The following MAML3 variants were observed in gnomAD, a reference collection of about 807,000 sequenced individuals.
MAML3 encodes mastermind like transcriptional coactivator 3.
In MAML3, 27 loss-of-function variants were observed where a neutral mutation model predicts 101.9. That is an observed-to-expected ratio of 0.27 (90% CI 0.20 to 0.37). The LOEUF (loss-of-function observed/expected upper bound fraction) is 0.37. Among genes scored for constraint, MAML3 ranks in the 10% least tolerant of loss-of-function variants. The pLI is 1.00. For synonymous variants in MAML3, 501 were observed against 555.9 expected (o/e 0.90, Z 1.39); for missense variants, 1,316 against 1,444.9 (o/e 0.91, Z 1.45).
At chr4:139,810,266 C>T (rs988904909) in intron 2 of MAML3, among the ~76,000 whole-genome samples, 9 of 148,032 alleles carry the variant, frequency 6.1e-5, no homozygotes, top group African/African-American at 5.0e-5. Flanking sequence ...CATCATAGCT[C>T]GCTGCAGCCT....
rs1560865782 is a variant in MAML3, at chr4:140,011,154, ATT to A, written c.469-120189_469-120188del. Among the ~76,000 whole-genome samples, 818 of 65,982 alleles carry A rather than the reference ATT, an allele frequency of 0.012. 4 individuals carry two copies. In the East Asian group the frequency reaches 0.12, roughly 10 times the overall value. The allele number at this position is 65,982 out of a possible 152,430, so 43.3% of individuals were successfully genotyped here. A position where few individuals can be genotyped will look rare whatever the true frequency, so the allele number is the denominator to read the frequency against. On this transcript the variant is annotated intron_variant, in intron 1 of 4. Coordinates refer to ENST00000509479, the MANE Select transcript of MAML3 (RefSeq NM_018717.5). ...ATATATATACACATATGTCATATAT[ATT>A]TATATATATGACATATATGTCATAT...
intron 1 of MAML3, among the ~76,000 whole-genome samples, chr4:139,908,261 CT>C (rs36015141): frequency 0.34 from 51,025 of 152,066 alleles, 11,110 homozygotes; most frequent in Non-Finnish European, 0.49. Flanking sequence ...TACATATTCT[CT>C]TCTAAAATAT....
chr4:140,130,030 A>C (rs966397112), intron 1 of MAML3, among the ~76,000 whole-genome samples: 3 of 152,188 alleles, frequency 2.0e-5, no homozygotes, highest in African/African-American at 7.2e-5. Context: ...TGAATCCGCA[A>C]TTGTGGAAAA....
At chr4:139,742,165 TTGA>T (rs1355897906) in intron 2 of MAML3, among the ~76,000 whole-genome samples, 2 of 147,814 alleles carry the variant, frequency 1.4e-5, no homozygotes, top group Non-Finnish European at 3.0e-5. Flanking sequence ...TTTTTTTTTT[TTGA>T]GAGAGAGTCT....
chr4:140,134,601 A>C (rs1560904497), intron 1 of MAML3: 2 of 330,960 alleles, frequency 6.0e-6, no homozygotes, highest in Non-Finnish European at 1.2e-5. Flanking sequence ...TGATTAGAAA[A>C]ACACCACAGA....
At chr4:139,926,807 T>G (rs114967087) in intron 1 of MAML3, among the ~76,000 whole-genome samples, 4 of 152,178 alleles carry the variant, frequency 2.6e-5, no homozygotes, top group Admixed American at 6.5e-5. Flanking sequence ...CCTCATACAA[T>G]ACTATTAATT....
chr4:140,091,548 C>CAAAAAAAAAAAAAAAAAAAA (rs58455997), intron 1 of MAML3, among the ~76,000 whole-genome samples: 1 of 121,100 alleles, frequency 8.3e-6, no homozygotes, highest in Non-Finnish European at 1.6e-5. Context: ...AAAAACAAAA[C>CAAAAAAAAAAAAAAAAAAAA]AAAAAAAAAA....
intron 1 of MAML3, among the ~76,000 whole-genome samples, chr4:139,969,442 CCT>C (rs1269438897): frequency 1.3e-5 from 2 of 151,738 alleles, no homozygotes; most frequent in Non-Finnish European, 2.9e-5. Context: ...ACACACACAC[CCT>C]CTCTCTCTTT....
chr4:139,914,182 G>C (rs968777829), intron 1 of MAML3, among the ~76,000 whole-genome samples: 2 of 152,132 alleles, frequency 1.3e-5, no homozygotes, highest in Admixed American at 6.5e-5. Flanking sequence ...TGAAATGAGG[G>C]AGGAAATGGT....
At chr4:139,747,977 C>T (rs1391521350) in intron 2 of MAML3, among the ~76,000 whole-genome samples, 1 of 150,518 alleles carries the variant, frequency 6.6e-6, no homozygotes, top group African/African-American at 2.5e-5. Flanking sequence ...TTGCTTGAAC[C>T]CGGGAGGTGG....
At chr4:139,758,167 T>TC (rs2111050215) in intron 2 of MAML3, among the ~76,000 whole-genome samples, 1 of 152,322 alleles carries the variant, frequency 6.6e-6, no homozygotes, top group East Asian at 1.9e-4. Flanking sequence ...AACCTTGTTA[T>TC]ATTCCTACCT....
intron 2 of MAML3, among the ~76,000 whole-genome samples, chr4:139,756,861 T>C (rs776128222): frequency 2.0e-5 from 3 of 152,202 alleles, no homozygotes; most frequent in Non-Finnish European, 4.4e-5. Context: ...CCCTTCTCCC[T>C]AACATTTTTA....
chr4:139,864,598 C>T (rs929877543), intron 2 of MAML3, among the ~76,000 whole-genome samples: 1 of 136,796 alleles, frequency 7.3e-6, no homozygotes, highest in Admixed American at 8.3e-5. Flanking sequence ...ATTGCTTGAA[C>T]CTGGGAGGCG....
intron 1 of MAML3, among the ~76,000 whole-genome samples, chr4:140,142,081 A>G (rs979933066): frequency 4.6e-5 from 7 of 152,224 alleles, no homozygotes; most frequent in Non-Finnish European, 1.0e-4. Flanking sequence ...AATGGTCACA[A>G]TATGGAATGC....
chr4:139,963,550 A>G (rs1191977995), intron 1 of MAML3, among the ~76,000 whole-genome samples: 3 of 152,154 alleles, frequency 2.0e-5, no homozygotes, highest in Non-Finnish European at 4.4e-5. Flanking sequence ...CTCACTTTCT[A>G]TTTTCCTTGG....
At chr4:140,140,217 G>A (rs761947232) in intron 1 of MAML3, among the ~76,000 whole-genome samples, 29 of 152,166 alleles carry the variant, frequency 1.9e-4, no homozygotes, top group East Asian at 1.9e-4. Context: ...CCAGCTACTC[G>A]GAAGGCTGAG....
intron 1 of MAML3, among the ~76,000 whole-genome samples, chr4:139,933,011 G>T (rs1051669210): frequency 6.6e-6 from 1 of 152,162 alleles, no homozygotes; most frequent in African/African-American, 2.4e-5. Flanking sequence ...AGCCGTGGCA[G>T]CAGAACCTAA....
chr4:139,827,283 T>C (rs1426132931), intron 2 of MAML3, among the ~76,000 whole-genome samples: 1 of 152,190 alleles, frequency 6.6e-6, no homozygotes, highest in Non-Finnish European at 1.5e-5. Flanking sequence ...AGAACAGGAA[T>C]CTAGCTGCTC....
At chr4:139,988,023 A>G (rs1734581798) in intron 1 of MAML3, among the ~76,000 whole-genome samples, 1 of 130,226 alleles carries the variant, frequency 7.7e-6, no homozygotes, top group African/African-American at 2.6e-5. Context: ...TCCGTCTCAA[A>G]AAAAAAAAAA....
Sources: allele counts gnomAD v4.1 joint callset (sites outside exome capture counted in the v4.1 genomes callset), GRCh38; gene constraint gnomAD v4.1.1; transcripts MANE v1.5; gene names NCBI Gene and HGNC (gene_info 2026-07-23, HGNC 2026-07-21).